ASTN1: variants seen among roughly 807,000 people sequenced by gnomAD.
ASTN1 encodes astrotactin-1.
A neutral mutation model predicts 140.7 loss-of-function variants in ASTN1; 41 were observed. That is an observed-to-expected ratio of 0.29 (90% CI 0.23 to 0.38). ASTN1 has a LOEUF of 0.38. Among genes scored for constraint, ASTN1 ranks in the 10% least tolerant of loss-of-function variants. The pLI is 1.00. For synonymous variants in ASTN1, 640 were observed against 652.2 expected (o/e 0.98, Z 0.29); for missense variants, 1,479 against 1,678.8 (o/e 0.88, Z 2.08).
chr1:177,068,206 G>A (rs375208666), intron 1 of ASTN1, among the ~76,000 whole-genome samples: 5 of 152,294 alleles, frequency 3.3e-5, no homozygotes, highest in African/African-American at 4.8e-5. Flanking sequence ...ACTCATTGCC[G>A]TAGAGCTGCT....
At chr1:176,947,336 A>G (rs571739351) in intron 12 of ASTN1, among the ~76,000 whole-genome samples, 1 of 152,358 alleles carries the variant, frequency 6.6e-6, no homozygotes, top group Non-Finnish European at 1.5e-5. Flanking sequence ...AATGAGGCCC[A>G]TGTTCATGCA....
At chr1:176,918,594 T>C (rs1276285598) in intron 16 of ASTN1, among the ~76,000 whole-genome samples, 2 of 152,158 alleles carry the variant, frequency 1.3e-5, no homozygotes, top group Non-Finnish European at 2.9e-5. Context: ...CCCCACTCTA[T>C]TGCCAAGTTT....
chr1:177,037,006 G>A (rs1558049496), intron 2 of ASTN1, among the ~76,000 whole-genome samples: 1 of 152,036 alleles, frequency 6.6e-6, no homozygotes, highest in Non-Finnish European at 1.5e-5. Flanking sequence ...TTTTAGTAGA[G>A]ACAGGGTTTG....
intron 8 of ASTN1, 102 bp from the exon 9 acceptor site, chr1:176,965,339 C>G: frequency 2.7e-6 from 3 of 1,131,406 alleles, no homozygotes; most frequent in East Asian, 5.0e-5. Flanking sequence ...ACCCAGCCAT[C>G]CAGGGCATAG....
chr1:176,892,025 A>G (rs1669289200), intron 17 of ASTN1, among the ~76,000 whole-genome samples: 1 of 152,200 alleles, frequency 6.6e-6, no homozygotes, highest in African/African-American at 2.4e-5. Context: ...TTCTTGGGAC[A>G]GAGAGTTTGA....
Position 176,929,601 on chromosome 1 carries a change from C to A in ASTN1, c.2671+4551G>T, listed in dbSNP as rs574662064. Among the ~76,000 whole-genome samples the A allele has an allele frequency of 9.8e-5, 15 of 152,338 alleles. No homozygotes were observed. The South Asian group carries it at 3.1e-3, about 32-fold the overall frequency. On this transcript the variant is annotated intron_variant, in intron 16 of 22. Transcript: ENST00000361833. ...CCACCAAGTGTGTGGTAATTTGTTA[C>A]AGCAGCCACAGAAAACTAATACAGG...
chr1:177,004,079 C>G (rs998727053), intron 8 of ASTN1, among the ~76,000 whole-genome samples: 1 of 152,082 alleles, frequency 6.6e-6, no homozygotes, highest in Non-Finnish European at 1.5e-5. Flanking sequence ...CTAGAAAACC[C>G]TAAAATTTCC....
chr1:177,083,858 C>G (rs1679293852), intron 1 of ASTN1, among the ~76,000 whole-genome samples: 1 of 152,214 alleles, frequency 6.6e-6, no homozygotes, highest in Admixed American at 6.5e-5. Context: ...GCAGAAAGCA[C>G]TTCTGCCTTT....
chr1:176,936,359 A>G lies in ASTN1; in HGVS notation c.2389T>C (p.Phe797Leu). The part of the protein sequence containing the change: ...DPDFLTGMVN[F>L]SEVSGYPVLQ... The stretch of plus-strand genomic sequence containing the variant: ...ACAGGGTACCCAGACACTTCACTGA[A>G]GTTCACCATCCCTAAGGACAGAAGA... The change falls in exon 15 of 23, where the codon TTC becomes CTC. Residue 797 changes from phenylalanine (F) to leucine (L), a missense_variant. Coordinates refer to ENST00000361833, the MANE Select transcript of ASTN1 (RefSeq NM_004319.3). 6.2e-7 allele frequency: 1 copy of G among 1,612,384 alleles called. No individual in the cohort carries two copies. The highest frequency in any genetic ancestry group is 8.5e-7 in the Non-Finnish European group (1 of 1,179,792).
chr1:176,875,461 C>A (rs564659852), intron 21 of ASTN1, among the ~76,000 whole-genome samples: 1 of 152,180 alleles, frequency 6.6e-6, no homozygotes, highest in African/African-American at 2.4e-5. Flanking sequence ...ATAACCCTAC[C>A]TTTAACATGC....
intron 2 of ASTN1, among the ~76,000 whole-genome samples, chr1:177,052,996 G>A (rs1009687134): frequency 6.6e-6 from 1 of 152,160 alleles, no homozygotes; most frequent in African/African-American, 2.4e-5. Context: ...CTGAAAGATG[G>A]AAGAAATGAT....
intron 1 of ASTN1, among the ~76,000 whole-genome samples, chr1:177,064,897 C>G (rs2102041169): frequency 6.6e-6 from 1 of 152,322 alleles, no homozygotes; most frequent in Admixed American, 6.5e-5. Flanking sequence ...ACACAGGGCA[C>G]AGTAAGTGTC....
At chr1:177,104,846 T>C (rs1189020649) in intron 1 of ASTN1, among the ~76,000 whole-genome samples, 2 of 152,180 alleles carry the variant, frequency 1.3e-5, no homozygotes, top group African/African-American at 4.8e-5. Context: ...GATGAGATGA[T>C]ACCCAGGTCT....
intron 1 of ASTN1, among the ~76,000 whole-genome samples, chr1:177,116,856 T>C (rs1308632476): frequency 6.6e-6 from 1 of 152,176 alleles, no homozygotes; most frequent in Non-Finnish European, 1.5e-5. Context: ...ACCCATTAAA[T>C]GCAAGCTTTC....
chr1:177,029,196 A>G (rs576042635), intron 5 of ASTN1, among the ~76,000 whole-genome samples: 2 of 152,354 alleles, frequency 1.3e-5, no homozygotes, highest in East Asian at 3.9e-4. Flanking sequence ...GCCATAGATC[A>G]TTCCTCAACT....
chr1:176,863,562 A>T lies in ASTN1; in HGVS notation c.*722T>A. 1.0e-6 allele frequency: 1 copy of T among 985,434 alleles called. No homozygotes were observed. The highest frequency in any genetic ancestry group is 4.7e-5 in the South Asian group (1 of 21,286). The allele number at this position is 985,434 out of a possible 1,614,324, so 61.0% of individuals were successfully genotyped here. On this transcript the variant is annotated 3_prime_UTR_variant, in exon 23 of 23. Coordinates refer to ENST00000361833, the MANE Select transcript of ASTN1 (RefSeq NM_004319.3). ...CAGATGGCATCTTGTTCCCTCTCAAAGATCATGTTGTTCAGAGGAAGGGAC... is the reference window on the plus strand; with the variant it reads ...CAGATGGCATCTTGTTCCCTCTCAATGATCATGTTGTTCAGAGGAAGGGAC...
At position 177,081,099 on chromosome 1, in the gene ASTN1, A is replaced by G. The variant is rs147149381; in HGVS notation, c.284-19834T>C. Among the ~76,000 whole-genome samples, 61 of 152,292 alleles carry G rather than the reference A, an allele frequency of 4.0e-4. 1 individual carries two copies. In the East Asian group the frequency reaches 8.9e-3, roughly 22 times the overall value. ...GTGCTAACATTTCAACCTGAAAACA[A>G]GGTAACTTTTATAGAGAAAATGCAT... On this transcript the variant is annotated intron_variant, in intron 1 of 22. Transcript: ENST00000361833.
intron 1 of ASTN1, among the ~76,000 whole-genome samples, chr1:177,124,652 G>A (rs1392444145): frequency 2.6e-5 from 4 of 152,094 alleles, no homozygotes; most frequent in African/African-American, 9.7e-5. Context: ...AAAAAACACA[G>A]GAACAGAAAA....
chr1:177,075,423 CAAA>C (rs5778926), intron 1 of ASTN1, among the ~76,000 whole-genome samples: 57,213 of 145,600 alleles, frequency 0.39, 12,199 homozygotes, highest in Non-Finnish European at 0.5. Context: ...TTTCATTCAT[CAAA>C]AAAAAAAAAA....
Sources: gnomAD v4.1 joint callset for allele counts (sites outside exome capture counted in the v4.1 genomes callset) on GRCh38, gnomAD v4.1.1 for gene constraint, MANE v1.5 for transcripts, NCBI Gene and HGNC (gene_info 2026-07-23, HGNC 2026-07-21) for gene names.